The following MLLT3 variants were observed in gnomAD, a reference collection of about 807,000 sequenced individuals.
MLLT3 encodes the protein protein AF-9.
MLLT3 carries 4 observed loss-of-function variants against 53.2 expected under a neutral mutation model. That is an observed-to-expected ratio of 0.08 (90% CI 0.04 to 0.17). The LOEUF is 0.17. Ranked by LOEUF, MLLT3 falls within the 10% of genes least tolerant of loss-of-function variation. MLLT3 has a pLI of 1.00. For synonymous variants in MLLT3, 283 were observed against 230.6 expected, an observed-to-expected ratio of 1.23 and a Z score of -2.06; for missense variants, 569 against 684.0, an observed-to-expected ratio of 0.83 and a Z score of 1.87.
At chr9:20,393,491 A>C (rs537723320) in intron 5 of MLLT3, among the ~76,000 whole-genome samples, 41 of 152,354 alleles carry the variant, frequency 2.7e-4, no homozygotes, top group African/African-American at 9.9e-4. Context: ...TAACTGTAGC[A>C]CTATATCATC....
At chr9:20,526,706 G>T (rs1035552223) in intron 2 of MLLT3, among the ~76,000 whole-genome samples, 1 of 152,114 alleles carries the variant, frequency 6.6e-6, no homozygotes, top group Non-Finnish European at 1.5e-5. Flanking sequence ...AGATCCTTGG[G>T]TATGTTTATG....
chr9:20,515,564 T>A (rs1014211861), intron 2 of MLLT3, among the ~76,000 whole-genome samples: 1 of 152,218 alleles, frequency 6.6e-6, no homozygotes, highest in Non-Finnish European at 1.5e-5. Context: ...CCAGAGACTG[T>A]GAGATCATTA....
At chr9:20,507,095 T>A (rs1249546677) in intron 2 of MLLT3, among the ~76,000 whole-genome samples, 1 of 152,100 alleles carries the variant, frequency 6.6e-6, no homozygotes, top group African/African-American at 2.4e-5. Context: ...CGAAAGTGAG[T>A]AGTAAATTTT....
At chr9:20,605,091 T>C (rs144374998) in intron 2 of MLLT3, among the ~76,000 whole-genome samples, 14 of 152,220 alleles carry the variant, frequency 9.2e-5, no homozygotes, top group African/African-American at 2.6e-4. Flanking sequence ...TGTTGAGCCA[T>C]AGATGTTTGA....
At chr9:20,449,727 T>A (rs546065468) in intron 3 of MLLT3, among the ~76,000 whole-genome samples, 5 of 152,308 alleles carry the variant, frequency 3.3e-5, no homozygotes, top group African/African-American at 9.6e-5. Context: ...ATTTCCTCAG[T>A]ACCCCTTCAC....
intron 4 of MLLT3, among the ~76,000 whole-genome samples, chr9:20,429,111 C>T (rs1191932195): frequency 6.6e-6 from 1 of 152,036 alleles, no homozygotes; most frequent in Admixed American, 6.6e-5. Flanking sequence ...GCCTGTAATC[C>T]CTGTGGTTTT....
chr9:20,445,972 C>T (rs1823685917), intron 4 of MLLT3, among the ~76,000 whole-genome samples: 1 of 152,052 alleles, frequency 6.6e-6, no homozygotes, highest in African/African-American at 2.4e-5. Context: ...TAAGATAAGA[C>T]AAATGGTTAA....
intron 2 of MLLT3, among the ~76,000 whole-genome samples, chr9:20,490,197 A>T (rs1824913344): frequency 6.6e-6 from 1 of 152,208 alleles, no homozygotes; most frequent in South Asian, 2.1e-4. Flanking sequence ...TATTTAACCA[A>T]ACACTAATCT....
intron 2 of MLLT3, among the ~76,000 whole-genome samples, chr9:20,462,444 C>T (rs1330088264): frequency 1.3e-5 from 2 of 152,098 alleles, no homozygotes; most frequent in African/African-American, 4.8e-5. Context: ...GCTTCCTATA[C>T]AATAAGGAAC....
intron 2 of MLLT3, among the ~76,000 whole-genome samples, chr9:20,603,701 C>A (rs1214154328): frequency 6.6e-6 from 1 of 151,978 alleles, no homozygotes; most frequent in Non-Finnish European, 1.5e-5. Flanking sequence ...GCTGGAAAGT[C>A]CGTTAGTACT....
chr9:20,455,701 AAT>A (rs1823948707), intron 3 of MLLT3, among the ~76,000 whole-genome samples: 1 of 152,194 alleles, frequency 6.6e-6, no homozygotes, highest in Admixed American at 6.5e-5. Flanking sequence ...CTGGAGGAAA[AAT>A]AAGGAATATG....
At chr9:20,377,969 T>C (rs1234790913) in intron 5 of MLLT3, among the ~76,000 whole-genome samples, 1 of 152,074 alleles carries the variant, frequency 6.6e-6, no homozygotes, top group African/African-American at 2.4e-5. Context: ...TCAATAGAAT[T>C]AGAATACTGG....
At chr9:20,425,797 A>C (rs1358126563) in intron 4 of MLLT3, among the ~76,000 whole-genome samples, 1 of 152,052 alleles carries the variant, frequency 6.6e-6, no homozygotes, top group African/African-American at 2.4e-5. Flanking sequence ...TATTTCAACT[A>C]TGAAGAGAAA....
chr9:20,576,693 C>T (rs1819662231), intron 2 of MLLT3, among the ~76,000 whole-genome samples: 1 of 152,010 alleles, frequency 6.6e-6, no homozygotes, highest in African/African-American at 2.4e-5. Flanking sequence ...TCACTGATCA[C>T]CATAACAGAT....
At chr9:20,532,094 C>G (rs994847007) in intron 2 of MLLT3, among the ~76,000 whole-genome samples, 6 of 152,016 alleles carry the variant, frequency 3.9e-5, no homozygotes, top group Non-Finnish European at 4.4e-5. Flanking sequence ...GATTTGTTAA[C>G]GGCCCCTAAA....
chr9:20,478,738 C>T lies in MLLT3; in HGVS notation c.194-21952G>A, dbSNP rs184990949. Among the ~76,000 whole-genome samples, 5 of 152,234 alleles carry T rather than the reference C, an allele frequency of 3.3e-5. No homozygotes were observed. The East Asian group carries it at 9.7e-4, about 29-fold the overall frequency. On this transcript the variant is annotated intron_variant, in intron 2 of 10. Transcript: ENST00000380338. ...GACCCGGGGCAAGTCATTTTAACCT[C>T]GGAGCTTTCCTCGTGTTTAACAAGG...
chr9:20,490,180 C>T (rs10964575), intron 2 of MLLT3, among the ~76,000 whole-genome samples: 32,114 of 152,132 alleles, frequency 0.21, 3,515 homozygotes, highest in Middle Eastern at 0.3. Context: ...GATTCCTGTC[C>T]TCTGGCTATT....
chr9:20,476,213 G>A (rs1476123487), intron 2 of MLLT3, among the ~76,000 whole-genome samples: 1 of 152,042 alleles, frequency 6.6e-6, no homozygotes, highest in Admixed American at 6.6e-5. Context: ...TAATGAAACA[G>A]GAGGAGAAAT....
At chr9:20,506,864 C>A (rs946225858) in intron 2 of MLLT3, among the ~76,000 whole-genome samples, 9 of 152,148 alleles carry the variant, frequency 5.9e-5, no homozygotes, top group African/African-American at 2.2e-4. Flanking sequence ...TGCATGTAAT[C>A]AAAATCTACC....
Sources: gnomAD v4.1 joint callset for allele counts (sites outside exome capture counted in the v4.1 genomes callset) on GRCh38, gnomAD v4.1.1 for gene constraint, MANE v1.5 for transcripts, NCBI Gene and HGNC (gene_info 2026-07-23, HGNC 2026-07-21) for gene names.